CSMD2: variants seen among roughly 807,000 people sequenced by gnomAD.
The protein encoded by CSMD2 is CUB and sushi domain-containing protein 2.
A neutral mutation model predicts 398.5 loss-of-function variants in CSMD2; 130 were observed. The observed-to-expected ratio is 0.33, with a 90% CI of 0.28 to 0.38. CSMD2 has a LOEUF of 0.38. CSMD2 is among the 10% of genes least tolerant of loss of function. CSMD2 has a pLI of 1.00. For missense variants in CSMD2, 3,829 were observed against 4,764.9 expected (o/e 0.80, Z 5.78); for synonymous variants, 1,828 against 1,908.5 (o/e 0.96, Z 1.10).
intron 11 of CSMD2, among the ~76,000 whole-genome samples, chr1:33,790,431 A>C (rs1218207589): frequency 2.0e-5 from 3 of 152,172 alleles, no homozygotes; most frequent in Non-Finnish European, 4.4e-5. Flanking sequence ...CCTCCTGTCC[A>C]ATTGGCTTTA....
chr1:34,020,409 A>C (rs1648709781), intron 3 of CSMD2, among the ~76,000 whole-genome samples: 1 of 152,208 alleles, frequency 6.6e-6, no homozygotes, highest in East Asian at 1.9e-4. Flanking sequence ...GAAGGATGAC[A>C]GAGCTGGGAA....
At chr1:34,071,218 G>T (rs965046205) in intron 2 of CSMD2, among the ~76,000 whole-genome samples, 4 of 152,218 alleles carry the variant, frequency 2.6e-5, no homozygotes, top group African/African-American at 9.6e-5. Flanking sequence ...CTCCAGGCAG[G>T]ATTGAAGATG....
At chr1:33,561,142 A>T (rs933047) in intron 53 of CSMD2, among the ~76,000 whole-genome samples, 18,771 of 152,214 alleles carry the variant, frequency 0.12, 1,595 homozygotes, top group African/African-American at 0.23. Flanking sequence ...GGGTGTAAGA[A>T]GAGGAAGCAC....
intron 2 of CSMD2, among the ~76,000 whole-genome samples, chr1:34,055,509 C>A (rs944676299): frequency 6.6e-6 from 1 of 152,084 alleles, no homozygotes; most frequent in Admixed American, 6.6e-5. Flanking sequence ...TTCCCAGGAC[C>A]CCCTCCCCCA....
rs568859411 is a variant in CSMD2 at position 33,937,798 on chromosome 1, G to A, written c.518-1844C>T. On this transcript the variant is annotated intron_variant, in intron 3 of 70. Transcript: ENST00000373381. ...AGGAGTGAGGCCAATAATATTTAGCGGTTGAGGGAGTTACCAATATAAATG... is the reference window on the plus strand; with the variant it reads ...AGGAGTGAGGCCAATAATATTTAGCAGTTGAGGGAGTTACCAATATAAATG... Among the ~76,000 whole-genome samples, 6 of 152,304 alleles carry A rather than the reference G, an allele frequency of 3.9e-5. No individual in the cohort carries two copies. The South Asian group carries it at 6.2e-4, about 16-fold the overall frequency.
intron 3 of CSMD2, among the ~76,000 whole-genome samples, chr1:33,992,686 G>A (rs1646595734): frequency 6.6e-6 from 1 of 151,266 alleles, no homozygotes; most frequent in Non-Finnish European, 1.5e-5. Flanking sequence ...GGCTAGCATG[G>A]TGAAACCCTG....
intron 13 of CSMD2, among the ~76,000 whole-genome samples, chr1:33,754,944 G>A (rs545201656): frequency 1.4e-4 from 22 of 151,940 alleles, no homozygotes; most frequent in African/African-American, 4.6e-4. Flanking sequence ...TCATGGGTTC[G>A]AGCAGGGTAG....
intron 5 of CSMD2, among the ~76,000 whole-genome samples, chr1:33,897,099 A>T (rs1642441479): frequency 6.6e-6 from 1 of 152,152 alleles, no homozygotes; most frequent in Non-Finnish European, 1.5e-5. Context: ...ACCAGAAGCT[A>T]AAGTGGCTCC....
At chr1:34,002,813 C>T (rs1247064678) in intron 3 of CSMD2, among the ~76,000 whole-genome samples, 1 of 152,004 alleles carries the variant, frequency 6.6e-6, no homozygotes, top group Non-Finnish European at 1.5e-5. Context: ...TATACTCTTG[C>T]TACATCTGTT....
intron 3 of CSMD2, among the ~76,000 whole-genome samples, chr1:33,962,885 C>G (rs1411520109): frequency 6.6e-6 from 1 of 152,202 alleles, no homozygotes; most frequent in East Asian, 1.9e-4. Flanking sequence ...GAACCTGTAA[C>G]CACACTGTTT....
chr1:33,808,472 T>A (rs1196749227), intron 10 of CSMD2, among the ~76,000 whole-genome samples: 2 of 151,854 alleles, frequency 1.3e-5, no homozygotes, highest in African/African-American at 4.8e-5. Context: ...CTTTGAAAAT[T>A]AAAAAATACT....
At chr1:33,548,600 G>A (rs2148621428) in intron 56 of CSMD2, among the ~76,000 whole-genome samples, 1 of 152,328 alleles carries the variant, frequency 6.6e-6, no homozygotes, top group East Asian at 1.9e-4. Flanking sequence ...GGCAGGAGAT[G>A]CCACTGCAAA....
At chr1:33,646,458 T>C (rs1477976562) in intron 29 of CSMD2, among the ~76,000 whole-genome samples, 190 bp downstream of exon 29, 1 of 151,868 alleles carries the variant, frequency 6.6e-6, no homozygotes, top group Non-Finnish European at 1.5e-5. Context: ...CCCTGGAGAA[T>C]ATAGGGGTGA....
At position 33,810,779 on chromosome 1, in the gene CSMD2, G is replaced by A. The variant is rs967885163; in HGVS notation, c.1410C>T (p.His470=). ...NFPIQYDNNA[H]CVWIITALNP... is the part of the protein sequence containing the mutation. ...TGAGTGCTGTGATGATCCACACACA[G>A]TGTGCATTGTTGTCATACTGAATGG... The change falls in exon 10 of 71, where the codon CAC becomes CAT. Residue 470 remains histidine (H), a synonymous_variant. Coordinates refer to ENST00000373381, the MANE Select transcript of CSMD2 (RefSeq NM_001281956.2). The A allele has an allele frequency of 2.5e-6, 4 of 1,613,236 alleles. No homozygotes were observed. Among genetic ancestry groups the A allele is most frequent in the South Asian group, 1.1e-5 (1 of 91,052 alleles).
In CSMD2 at chr1:33,611,171, G is replaced by T; in HGVS notation, c.6213C>A (p.Thr2071=). 6.2e-7 allele frequency: 1 copy of T among 1,614,148 alleles called. No individual in the cohort carries two copies. Among genetic ancestry groups the T allele is most frequent in the Non-Finnish European group, 8.5e-7 (1 of 1,180,012 alleles). Residue 2071 remains threonine, a synonymous_variant, in exon 41 of 71, where the codon ACC becomes ACA. Coordinates refer to ENST00000373381, the MANE Select transcript of CSMD2 (RefSeq NM_001281956.2). ...CACTGAATCTTCCCATCATGCGGCTGGTCTCATAGGGGCCATTCCGGATTT... is the reference window on the plus strand; with the variant it reads ...CACTGAATCTTCCCATCATGCGGCTTGTCTCATAGGGGCCATTCCGGATTT... ...YIEIRNGPYE[T]SRMMGRFSGS... is the part of the protein sequence containing the mutation.
chr1:33,822,937 C>T lies in CSMD2; in HGVS notation c.1112-2381G>A, dbSNP rs77675626. On this transcript the variant is annotated intron_variant, in intron 7 of 70. Transcript: ENST00000373381. ...ACGAGTCATACCCATCCCAAAGTCT[C>T]TGCTGACCATTTCATGGGAACCACA... 3.6e-3 allele frequency among the ~76,000 whole-genome samples: 556 copies of T among 152,332 alleles called. 3 individuals carry two copies. The highest frequency in any genetic ancestry group is 7.9e-3 in the Admixed American group (121 of 15,310).
Position 33,605,430 on chromosome 1 carries a change from G to A in CSMD2, c.6384C>T (p.Ala2128=), listed in dbSNP as rs1429248241. The A allele has an allele frequency of 6.2e-7, 1 of 1,614,070 alleles. No homozygotes were observed. Among genetic ancestry groups the A allele is most frequent in the East Asian group, 2.2e-5 (1 of 44,876 alleles). The change falls in exon 42 of 71, where the codon GCC becomes GCT. Residue 2128 remains alanine (A), a synonymous_variant. Coordinates refer to ENST00000373381, the MANE Select transcript of CSMD2 (RefSeq NM_001281956.2). ...LQECPDPEPF[A]NGIVRGAGYN... Reference sequence around the variant, plus strand: ...AGCCAGCTCCCCTCACAATGCCATTGGCAAAGGGCTCTGGGTCTGGGCACT... The same window carrying A: ...AGCCAGCTCCCCTCACAATGCCATTAGCAAAGGGCTCTGGGTCTGGGCACT...
At chr1:34,042,625 TAA>T (rs1175923891) in intron 2 of CSMD2, among the ~76,000 whole-genome samples, 2 of 152,054 alleles carry the variant, frequency 1.3e-5, no homozygotes, top group Non-Finnish European at 2.9e-5. Context: ...TCAAGTGAAA[TAA>T]GAGATCTGGA....
At chr1:33,798,246 G>T (rs1655181341) in intron 10 of CSMD2, among the ~76,000 whole-genome samples, 1 of 152,202 alleles carries the variant, frequency 6.6e-6, no homozygotes, top group African/African-American at 2.4e-5. Flanking sequence ...AGGCACATTT[G>T]TATACAGCTC....
Sources: gnomAD v4.1 joint callset for allele counts (sites outside exome capture counted in the v4.1 genomes callset) on GRCh38, gnomAD v4.1.1 for gene constraint, MANE v1.5 for transcripts, NCBI Gene and HGNC (gene_info 2026-07-23, HGNC 2026-07-21) for gene names.